DOCK1: variants seen among roughly 807,000 people sequenced by gnomAD.
DOCK1 encodes the protein dedicator of cytokinesis 1.
In DOCK1, 138 loss-of-function variants were observed where a neutral mutation model predicts 262.7. The ratio of observed to expected loss-of-function variants is 0.53; its 90% CI spans 0.46 to 0.61. The LOEUF is 0.61. DOCK1 is among the 20% of genes least tolerant of loss of function. The pLI is 0.00. For synonymous variants in DOCK1, 866 were observed against 867.4 expected (o/e 1.00, Z 0.03); for missense variants, 1,908 against 2,370.7 (o/e 0.80, Z 4.05).
chr10:127,284,778 C>G (rs891405589), intron 29 of DOCK1, among the ~76,000 whole-genome samples: 9 of 151,844 alleles, frequency 5.9e-5, no homozygotes, highest in African/African-American at 2.2e-4. Context: ...TCATCATCAC[C>G]TTTTATTCTT....
chr10:127,171,315 A>G (rs1289692905), intron 27 of DOCK1, among the ~76,000 whole-genome samples: 1 of 152,264 alleles, frequency 6.6e-6, no homozygotes, highest in Non-Finnish European at 1.5e-5. Context: ...CACTTGCCTG[A>G]CAAACTCAAT....
At position 127,419,660 on chromosome 10, in the gene DOCK1, C is replaced by T. The variant is rs961681050; in HGVS notation, c.4693-6C>T. 6.3e-7 allele frequency: 1 copy of T among 1,598,742 alleles called. No homozygotes were observed. Among genetic ancestry groups the T allele is most frequent in the African/African-American group, 1.3e-5 (1 of 74,612 alleles). On this transcript the variant is annotated splice_region_variant and splice_polypyrimidine_tract_variant and intron_variant, in intron 45 of 51. Transcript: ENST00000623213. Reference sequence around the variant, plus strand: ...TGCACTGAGCAACTCTCCTTGTCTCCACCAGGCCTTCTTTACAGACCGGTA... The same window carrying T: ...TGCACTGAGCAACTCTCCTTGTCTCTACCAGGCCTTCTTTACAGACCGGTA...
At chr10:126,951,083 T>A (rs1356709172) in intron 1 of DOCK1, among the ~76,000 whole-genome samples, 1 of 151,068 alleles carries the variant, frequency 6.6e-6, no homozygotes, top group African/African-American at 2.4e-5. Flanking sequence ...GGTAGTGTTT[T>A]TAGTATTGAT....
chr10:127,138,438 G>A (rs1355132726), intron 27 of DOCK1, among the ~76,000 whole-genome samples: 4 of 152,112 alleles, frequency 2.6e-5, no homozygotes, highest in Admixed American at 2.6e-4. Flanking sequence ...GTCCGTTCCT[G>A]TGCAATGTAT....
At chr10:127,328,119 CAAAAAAAAA>C (rs11301683) in intron 29 of DOCK1, among the ~76,000 whole-genome samples, 2 of 72,536 alleles carry the variant, frequency 2.8e-5, no homozygotes, top group Non-Finnish European at 6.0e-5. Context: ...TACAAATGGG[CAAAAAAAAA>C]AAAAAAAAAA....
chr10:127,001,508 T>A (rs963902351), intron 10 of DOCK1: 2 of 152,226 alleles, frequency 1.3e-5, no homozygotes, highest in Non-Finnish European at 2.9e-5. Context: ...ATTCTTGATG[T>A]TGTGCCTTCT....
At position 127,093,198 on chromosome 10, in the gene DOCK1, T is replaced by TTTTCTTTC. The variant is rs71490109; in HGVS notation, c.2446-13017_2446-13010dup. 1.2e-3 allele frequency among the ~76,000 whole-genome samples: 114 copies of TTTTCTTTC among 92,452 alleles called. 4 individuals are homozygous for TTTTCTTTC. The highest frequency in any genetic ancestry group is 3.0e-3 in the Admixed American group (28 of 9,314). 60.7% of individuals were successfully genotyped at this position (92,452 alleles called of 152,430 possible). On this transcript the variant is annotated intron_variant, in intron 23 of 51. Transcript: ENST00000623213. Reference sequence around the variant, plus strand: ...CTTTGCATCTGAATCTCCCTCTCCTTTTTCTTTCTTTCTTTCTTTCTTTTC... The same window carrying TTTTCTTTC: ...CTTTGCATCTGAATCTCCCTCTCCTTTTTCTTTCTTTCTTTCTTTCTTTCTTTCTTTTC...
At chr10:127,304,303 T>G (rs997447322) in intron 29 of DOCK1, among the ~76,000 whole-genome samples, 1 of 152,200 alleles carries the variant, frequency 6.6e-6, no homozygotes, top group African/African-American at 2.4e-5. Context: ...TGAAGCCCTC[T>G]GTTACTTGGG....
Position 127,046,422 on chromosome 10 carries a change from C to T in DOCK1, c.2201+3258C>T, listed in dbSNP as rs540449397. Among the ~76,000 whole-genome samples, 3 of 152,214 alleles carry T rather than the reference C, an allele frequency of 2.0e-5. No individual in the cohort carries two copies. In the South Asian group the frequency reaches 6.2e-4, roughly 32 times the overall value. On this transcript the variant is annotated intron_variant, in intron 21 of 51. Coordinates refer to ENST00000623213, the MANE Select transcript of DOCK1 (RefSeq NM_001290223.2). Reference sequence around the variant, plus strand: ...CCCTACTAGAGCTCTGGTGCCTGATCGGTGTTAGAAATGGCTTCACATCCA... The same window carrying T: ...CCCTACTAGAGCTCTGGTGCCTGATTGGTGTTAGAAATGGCTTCACATCCA...
At chr10:127,064,415 A>C (rs4635002) in intron 23 of DOCK1, among the ~76,000 whole-genome samples, 140,783 of 152,242 alleles carry the variant, frequency 0.92, 65,092 homozygotes, top group South Asian at 0.95. Context: ...CTTCAGAAGT[A>C]ATTTATTGCA....
chr10:126,950,201 A>T (rs1257479206), intron 1 of DOCK1, among the ~76,000 whole-genome samples: 1 of 152,126 alleles, frequency 6.6e-6, no homozygotes, highest in Non-Finnish European at 1.5e-5. Flanking sequence ...CTCTCATTAC[A>T]GCTTTTCCTA....
At chr10:126,999,884 C>T (rs1016707489) in intron 9 of DOCK1, among the ~76,000 whole-genome samples, 1 of 152,146 alleles carries the variant, frequency 6.6e-6, no homozygotes, top group Admixed American at 6.5e-5. Context: ...CCCATGTTGG[C>T]CAGGCTGCTC....
chr10:126,922,311 A>G (rs2033286363), intron 1 of DOCK1, among the ~76,000 whole-genome samples: 1 of 151,166 alleles, frequency 6.6e-6, no homozygotes, highest in East Asian at 1.9e-4. Flanking sequence ...CTGGAGAGGC[A>G]TCCGGAAACT....
intron 27 of DOCK1, among the ~76,000 whole-genome samples, chr10:127,223,412 C>T (rs1205560076): frequency 6.6e-6 from 1 of 151,994 alleles, no homozygotes; most frequent in Non-Finnish European, 1.5e-5. Context: ...TTTCTACTTA[C>T]TTAGTAGAAT....
intron 29 of DOCK1, among the ~76,000 whole-genome samples, chr10:127,261,267 GTGTGTGTGCCTGCA>G (rs2060085399): frequency 7.1e-6 from 1 of 141,598 alleles, no homozygotes; most frequent in African/African-American, 2.8e-5. Context: ...ATGTGGGTGT[GTGTGTGTGCCTGCA>G]TGTGTGTGCA....
chr10:127,338,844 A>G (rs2063306078), intron 29 of DOCK1, among the ~76,000 whole-genome samples, 162 bp from the exon 30 acceptor site: 2 of 152,208 alleles, frequency 1.3e-5, no homozygotes, highest in Admixed American at 1.3e-4. Flanking sequence ...ACATCTGCAT[A>G]TAATTCCGTG....
chr10:127,268,521 A>AAAAG (rs2060452377), intron 29 of DOCK1, among the ~76,000 whole-genome samples: 1 of 151,214 alleles, frequency 6.6e-6, no homozygotes, highest in Admixed American at 6.6e-5. Flanking sequence ...AAAAAAAAAA[A>AAAAG]AGAAGAGGAA....
chr10:127,073,866 A>G (rs2046368785), intron 23 of DOCK1, among the ~76,000 whole-genome samples: 1 of 152,210 alleles, frequency 6.6e-6, no homozygotes, highest in Admixed American at 6.5e-5. Context: ...ACTTTGTGAA[A>G]TGGGTTTTGC....
chr10:127,121,259 G>A (rs921946815), intron 25 of DOCK1, among the ~76,000 whole-genome samples: 8 of 128,294 alleles, frequency 6.2e-5, no homozygotes, highest in East Asian at 2.4e-4. Context: ...TGGATTATTT[G>A]TTGGCTTCCC....
Sources: allele counts gnomAD v4.1 joint callset (sites outside exome capture counted in the v4.1 genomes callset), GRCh38; gene constraint gnomAD v4.1.1; transcripts MANE v1.5; gene names NCBI Gene and HGNC (gene_info 2026-07-23, HGNC 2026-07-21).